DLG2: variants seen among roughly 807,000 people sequenced by gnomAD.
DLG2 encodes the protein disks large homolog 2.
In DLG2, 45 loss-of-function variants were observed where a neutral mutation model predicts 132.5. The ratio of observed to expected loss-of-function variants is 0.34; its 90% confidence interval spans 0.27 to 0.44. DLG2 has a LOEUF of 0.44. Ranked by LOEUF, DLG2 falls within the 20% of genes least tolerant of loss-of-function variation. The pLI, the probability that DLG2 is intolerant of heterozygous loss-of-function variation, is 1.00. For synonymous variants in DLG2, 424 were observed against 419.6 expected (o/e 1.01, Z -0.13); for missense variants, 1,045 against 1,196.9 (o/e 0.87, Z 1.87).
intron 18 of DLG2, among the ~76,000 whole-genome samples, chr11:83,761,336 G>A (rs2093897847): frequency 6.6e-6 from 1 of 151,970 alleles, no homozygotes; most frequent in Non-Finnish European, 1.5e-5. Context: ...CCCACTTTTT[G>A]GTAAATAACT....
intron 7 of DLG2, among the ~76,000 whole-genome samples, chr11:84,522,762 C>T (rs1423221790): frequency 6.6e-6 from 1 of 152,134 alleles, no homozygotes; most frequent in Non-Finnish European, 1.5e-5. Context: ...GCCTTCTGGA[C>T]TATTTTTATA....
intron 14 of DLG2, among the ~76,000 whole-genome samples, chr11:83,944,348 A>T (rs2083324853): frequency 6.6e-6 from 1 of 152,194 alleles, no homozygotes; most frequent in Admixed American, 6.5e-5. Flanking sequence ...AATAAATAAG[A>T]GCTGTTTTCT....
At chr11:84,776,362 G>GCAA (rs2153898182) in intron 6 of DLG2, among the ~76,000 whole-genome samples, 1 of 152,070 alleles carries the variant, frequency 6.6e-6, no homozygotes, top group South Asian at 2.1e-4. Context: ...TCCTTATGTT[G>GCAA]CCCAGGCTGG....
chr11:83,874,416 T>A lies in DLG2; in HGVS notation c.1565+4A>T, dbSNP rs750723357. On this transcript the variant is annotated splice_donor_region_variant and intron_variant, in intron 16 of 27. Transcript: ENST00000376104. ...GTTTAAGAGGTTCTGTATTATTATC[T>A]TACCCTTCCAGGGAGACGGCCCGTT... 18 of 1,590,994 alleles carry A rather than the reference T, an allele frequency of 1.1e-5. No individual in the cohort carries two copies. The East Asian group carries it at 3.9e-4, about 34-fold the overall frequency.
intron 7 of DLG2, among the ~76,000 whole-genome samples, chr11:84,302,416 A>G (rs1346762742): frequency 6.6e-6 from 1 of 152,196 alleles, no homozygotes; most frequent in Non-Finnish European, 1.5e-5. Flanking sequence ...TAATTTTTAA[A>G]AAACATTGCA....
chr11:83,569,922 G>T (rs1025753281), intron 19 of DLG2, among the ~76,000 whole-genome samples: 1 of 152,172 alleles, frequency 6.6e-6, no homozygotes, highest in Admixed American at 6.5e-5. Context: ...CAGCTCCATG[G>T]GACTAGCTTC....
At chr11:84,275,727 A>T (rs2097777602) in intron 7 of DLG2, among the ~76,000 whole-genome samples, 1 of 152,250 alleles carries the variant, frequency 6.6e-6, no homozygotes, top group Non-Finnish European at 1.5e-5. Flanking sequence ...GGAGAATCTA[A>T]CAGAAGGGAT....
chr11:84,152,020 A>G (rs1394694825), intron 9 of DLG2, among the ~76,000 whole-genome samples: 8 of 152,202 alleles, frequency 5.3e-5, no homozygotes, highest in South Asian at 4.1e-4. Flanking sequence ...TGTACTTTCT[A>G]TCAATGTTGG....
intron 4 of DLG2, among the ~76,000 whole-genome samples, chr11:85,155,168 T>C (rs964153671): frequency 6.6e-6 from 1 of 152,206 alleles, no homozygotes; most frequent in African/African-American, 2.4e-5. Context: ...ATAAAACAGA[T>C]GTTACCTAAA....
chr11:85,558,304 T>C lies in DLG2; in HGVS notation c.40+40353A>G, dbSNP rs142129757. ...CTATTTTTAAAATGTCAAAAAGCAA[T>C]AGATGTTGGCAAGGCTGTGGAGAAA... On this transcript the variant is annotated intron_variant, in intron 3 of 27. Transcript: ENST00000376104. Among the ~76,000 whole-genome samples the C allele has an allele frequency of 6.1e-4, 92 of 151,806 alleles. 1 individual carries two copies. Among genetic ancestry groups the C allele is most frequent in the African/African-American group, 1.9e-3 (77 of 41,500 alleles).
At chr11:84,229,241 G>A (rs550813138) in intron 8 of DLG2, among the ~76,000 whole-genome samples, 1 of 152,126 alleles carries the variant, frequency 6.6e-6, no homozygotes, top group East Asian at 1.9e-4. Context: ...AAAAAAGAGC[G>A]AACACAGAGA....
intron 21 of DLG2, among the ~76,000 whole-genome samples, chr11:83,520,690 G>A (rs888876184): frequency 1.7e-5 from 2 of 121,212 alleles, no homozygotes; most frequent in African/African-American, 6.5e-5. Context: ...CAGGTAAGTA[G>A]GTAGGTAGAT....
intron 6 of DLG2, among the ~76,000 whole-genome samples, chr11:85,031,194 T>C (rs778517090): frequency 7.9e-5 from 12 of 152,064 alleles, no homozygotes; most frequent in Non-Finnish European, 1.2e-4. Context: ...TCTGTGAGTT[T>C]TTCCTTTGAC....
At chr11:85,163,098 T>G (rs1312071727) in intron 4 of DLG2, among the ~76,000 whole-genome samples, 2 of 152,248 alleles carry the variant, frequency 1.3e-5, no homozygotes, top group South Asian at 4.2e-4. Flanking sequence ...GACATCAGAC[T>G]AGAAGTTCTT....
chr11:85,430,364 AAAAG>A (rs1237548511), intron 3 of DLG2, among the ~76,000 whole-genome samples: 4 of 151,830 alleles, frequency 2.6e-5, no homozygotes, highest in Non-Finnish European at 4.4e-5. Context: ...AAAAAAAAGA[AAAAG>A]AAAGAAAAAA....
At chr11:85,021,327 G>T in intron 6 of DLG2, 1 of 1,272,330 alleles carries the variant, frequency 7.9e-7, no homozygotes, top group Non-Finnish European at 1.1e-6. Context: ...AGTCTAAGTC[G>T]AAAGAAGAGC....
At chr11:83,996,929 CAAT>C (rs1238232509) in intron 11 of DLG2, among the ~76,000 whole-genome samples, 1 of 151,812 alleles carries the variant, frequency 6.6e-6, no homozygotes, top group Non-Finnish European at 1.5e-5. Context: ...CAAGTAAAGT[CAAT>C]AATAACTTAA....
intron 6 of DLG2, among the ~76,000 whole-genome samples, chr11:84,594,073 C>G (rs1400151265): frequency 6.6e-6 from 1 of 151,872 alleles, no homozygotes; most frequent in Non-Finnish European, 1.5e-5. Context: ...AATGATGTAT[C>G]TTAGAGGAAG....
In DLG2 at chr11:85,111,704, C is replaced by A. The variant is rs139399525; in HGVS notation, c.314G>T (p.Cys105Phe). The A allele has an allele frequency of 3.2e-6, 5 of 1,562,950 alleles. No individual in the cohort carries two copies. The African/African-American group carries it at 6.8e-5, about 21-fold the overall frequency. ...QNQGRCPAQN[C>F]SVEAPAWMPV... Reference sequence around the variant, plus strand: ...CATCCAAGCAGGGGCTTCCACTGAACAATTCTGGGCTGGGCATCTGCCTTG... The same window carrying A: ...CATCCAAGCAGGGGCTTCCACTGAAAAATTCTGGGCTGGGCATCTGCCTTG... Residue 105 changes from cysteine to phenylalanine, a missense_variant, in exon 6 of 28, where the codon TGT (cysteine) becomes TTT (phenylalanine). Transcript: ENST00000376104.
Sources: gnomAD v4.1 joint callset for allele counts (sites outside exome capture counted in the v4.1 genomes callset) on GRCh38, gnomAD v4.1.1 for gene constraint, MANE v1.5 for transcripts, NCBI Gene and HGNC (gene_info 2026-07-23, HGNC 2026-07-21) for gene names.